The following TARDBP variants were observed in gnomAD, a reference collection of about 807,000 sequenced individuals.
TARDBP encodes the protein TAR DNA-binding protein 43.
TARDBP carries 4 observed loss-of-function variants against 38.3 expected under a neutral mutation model. The observed-to-expected ratio is 0.10, with a 90% CI of 0.05 to 0.24. The LOEUF is 0.24. Among genes scored for constraint, TARDBP ranks in the 10% least tolerant of loss-of-function variants. The pLI, the probability that TARDBP is intolerant of heterozygous loss-of-function variation, is 1.00. For synonymous variants in TARDBP, 184 were observed against 183.8 expected, an observed-to-expected ratio of 1.00 and a Z score of -0.01; for missense variants, 202 against 521.9, an observed-to-expected ratio of 0.39 and a Z score of 5.97.
chr1:11,019,044 G>C, intron 4 of TARDBP, 171 bp downstream of exon 4: 1 of 813,166 alleles, frequency 1.2e-6, no homozygotes, highest in East Asian at 2.7e-5. Context: ...ATGCTTGTTT[G>C]AAATATTTAG....
downstream of TARDBP, chr1:11,026,003 A>G (rs1643726367): frequency 6.5e-6 from 1 of 153,944 alleles, no homozygotes; most frequent in African/African-American, 2.4e-5. Flanking sequence ...AAAGAGGAAA[A>G]ATACAGATTT....
At chr1:11,026,919 A>G (rs1462140765), downstream of TARDBP, 2 of 1,502,750 alleles carry the variant, frequency 1.3e-6, no homozygotes, top group African/African-American at 1.4e-5. Flanking sequence ...GATCCAGGGA[A>G]TATAGTTAAT....
At chr1:11,014,750 C>T (rs1003104289) in intron 2 of TARDBP, among the ~76,000 whole-genome samples, 1 of 152,024 alleles carries the variant, frequency 6.6e-6, no homozygotes, top group African/African-American at 2.4e-5. Flanking sequence ...ATGAGCCTGG[C>T]CAACATGATG....
At chr1:11,028,722 T>G (rs60144211), downstream of TARDBP, among the ~76,000 whole-genome samples, 15,755 of 148,180 alleles carry the variant, frequency 0.11, 2,769 homozygotes, top group African/African-American at 0.38. Context: ...TTTTTTTTTT[T>G]TTTTTTTTTG....
At chr1:11,020,269 A>G (rs918347900) in intron 4 of TARDBP, among the ~76,000 whole-genome samples, 160 bp from the exon 5 acceptor site, 1 of 152,210 alleles carries the variant, frequency 6.6e-6, no homozygotes, top group African/African-American at 2.4e-5. Context: ...GAAGCCTTAC[A>G]AGAAAAAGAA....
chr1:11,028,697 G>GT (rs1208974169), downstream of TARDBP, among the ~76,000 whole-genome samples: 268 of 36,100 alleles, frequency 7.4e-3, 4 homozygotes, highest in South Asian at 0.032. Context: ...ATCTTTCTGG[G>GT]TTTTTTTTCT....
intron 5 of TARDBP, 128 bp from the exon 6 acceptor site, chr1:11,021,996 G>T: frequency 1.0e-6 from 1 of 1,000,784 alleles, no homozygotes. Flanking sequence ...TAAATGAAAT[G>T]AGTGTTCATT....
intron 5 of TARDBP, among the ~76,000 whole-genome samples, chr1:11,021,037 G>A (rs989055816): frequency 6.6e-6 from 1 of 152,048 alleles, no homozygotes; most frequent in African/African-American, 2.4e-5. Context: ...CTAGATGTTT[G>A]TGATACCTGT....
At chr1:11,013,059 T>TG (rs1222944060) in intron 1 of TARDBP, among the ~76,000 whole-genome samples, 4 of 152,182 alleles carry the variant, frequency 2.6e-5, no homozygotes, top group South Asian at 2.1e-4. Flanking sequence ...CTGGTGCTCC[T>TG]GCGCCCCACC....
chr1:11,027,341 C>T (rs765538375), downstream of TARDBP: 3 of 1,613,966 alleles, frequency 1.9e-6, no homozygotes, highest in South Asian at 3.3e-5. Flanking sequence ...TCAATTTAAT[C>T]AGTGCTATGT....
At chr1:11,027,003 A>G (rs1049780987), downstream of TARDBP, 7 of 1,598,538 alleles carry the variant, frequency 4.4e-6, no homozygotes, top group South Asian at 2.3e-5. Flanking sequence ...TCCTCCCACA[A>G]ACCACCTCTC....
chr1:11,017,151 T>A, intron 3 of TARDBP, 144 bp downstream of exon 3: 1 of 868,712 alleles, frequency 1.2e-6, no homozygotes, highest in Non-Finnish European at 1.9e-6. Context: ...TCCTCCTGCC[T>A]CGACCCCAAT....
At chr1:11,026,670 C>G (rs761059012), downstream of TARDBP, 2 of 385,584 alleles carry the variant, frequency 5.2e-6, no homozygotes, top group East Asian at 3.8e-5. Flanking sequence ...ATGACTGTCA[C>G]TCTCGTGGTT....
At chr1:11,019,016 G>C in intron 4 of TARDBP, 143 bp downstream of exon 4, 1 of 1,089,356 alleles carries the variant, frequency 9.2e-7, no homozygotes, top group Non-Finnish European at 1.4e-6. Context: ...TTGGCCCTTA[G>C]TGCATGCTGA....
At chr1:11,029,203 T>C (rs1391937057), downstream of TARDBP, among the ~76,000 whole-genome samples, 1 of 151,708 alleles carries the variant, frequency 6.6e-6, no homozygotes, top group Non-Finnish European at 1.5e-5. Flanking sequence ...AGTTTCACCA[T>C]GTTGGCCAAG....
At position 11,017,772 on chromosome 1, in the gene TARDBP, T is replaced by C. The variant is rs529503403; in HGVS notation, c.402+765T>C. On this transcript the variant is annotated intron_variant, in intron 3 of 5. Coordinates refer to ENST00000240185, the MANE Select transcript of TARDBP (RefSeq NM_007375.4). ...TCTAAGACATTCTGTTAAAATCCTG[T>C]TGTGGTGGCTCATGCCTGTAATCCC... Among the ~76,000 whole-genome samples the C allele has an allele frequency of 9.8e-5, 15 of 152,300 alleles. No individual in the cohort carries two copies. In the East Asian group the frequency reaches 2.5e-3, roughly 25 times the overall value.
chr1:11,019,138 A>C lies in TARDBP; in HGVS notation c.543+265A>C, dbSNP rs74054480. On this transcript the variant is annotated intron_variant, in intron 4 of 5. Transcript: ENST00000240185. Reference sequence around the variant, plus strand: ...GGAAAAGAGAAAAGGTTATTTGTCAAGTTAATAGTTTCTTACATAGTTATA... The same window carrying C: ...GGAAAAGAGAAAAGGTTATTTGTCACGTTAATAGTTTCTTACATAGTTATA... 1.5e-5 allele frequency: 7 copies of C among 482,608 alleles called. No homozygotes were observed. The East Asian group carries it at 2.9e-4, about 20-fold the overall frequency. 29.9% of individuals were successfully genotyped at this position (482,608 alleles called of 1,614,324 possible).
In TARDBP at chr1:11,022,290, G is replaced by C. The variant is rs80356721; in HGVS notation, c.881G>C (p.Gly294Ala). The change falls in exon 6 of 6, where the codon GGG becomes GCG. Residue 294 changes from glycine to alanine, a missense_variant. Gly to Ala is a moderately conservative substitution (Grantham distance 60). This residue lies in a region of TARDBP where 107 missense variants were observed against 190.5 expected (regional missense o/e 0.56). Coordinates refer to ENST00000240185, the MANE Select transcript of TARDBP (RefSeq NM_007375.4). This position sits in a 1 kb window ranked among gnomAD's most constrained non-coding sequence, Gnocchi z 4.5. Reference sequence around the variant, plus strand: ...CAGGGTGGATTTGGTAATAGCAGAGGGGGTGGAGCTGGTTTGGGAAACAAT... The same window carrying C: ...CAGGGTGGATTTGGTAATAGCAGAGCGGGTGGAGCTGGTTTGGGAAACAAT... ...GNQGGFGNSRGGGAGLGNNQG... is the reference protein window; with the variant it reads ...GNQGGFGNSRAGGAGLGNNQG... The C allele has an allele frequency of 3.1e-6, 5 of 1,613,980 alleles. No homozygotes were observed. Among genetic ancestry groups the C allele is most frequent in the South Asian group, 1.1e-5 (1 of 91,080 alleles).
In TARDBP at chr1:11,022,590, G is replaced by T; in HGVS notation, c.1181G>T (p.Gly394Val). 6.3e-7 allele frequency: 1 copy of T among 1,593,896 alleles called. No homozygotes were observed. The highest frequency in any genetic ancestry group is 8.5e-7 in the Non-Finnish European group (1 of 1,169,912). Residue 394 changes from glycine to valine, a missense_variant, in exon 6 of 6, where the codon GGC (glycine) becomes GTC (valine). Physicochemically the swap from Gly to Val is moderately radical, Grantham distance 109 (BLOSUM62 -3). Coordinates refer to ENST00000240185, the MANE Select transcript of TARDBP (RefSeq NM_007375.4). This position sits in a 1 kb window ranked among gnomAD's most constrained non-coding sequence, Gnocchi z 4.5. ...GGATCAGCATCCAATGCAGGGTCGG[G>T]CAGTGGTTTTAATGGAGGCTTTGGC... ...GWGSASNAGS[G>V]SGFNGGFGSS... is the part of the protein sequence containing the mutation.
Sources: allele counts gnomAD v4.1 joint callset (sites outside exome capture counted in the v4.1 genomes callset), GRCh38; gene constraint gnomAD v4.1.1; regional missense constraint gnomAD v4.1.1; non-coding constraint Gnocchi (gnomAD v3.1); transcripts MANE v1.5; gene names NCBI Gene and HGNC (gene_info 2026-07-23, HGNC 2026-07-21).